The following KALRN variants were observed in gnomAD, a reference collection of about 807,000 sequenced individuals.
KALRN encodes kalirin RhoGEF kinase.
A neutral mutation model predicts 353.7 loss-of-function variants in KALRN; 70 were observed. The ratio of observed to expected loss-of-function variants is 0.20; its 90% confidence interval spans 0.16 to 0.24. The LOEUF is 0.24. KALRN is among the 10% of genes least tolerant of loss of function. The pLI is 1.00. For missense variants in KALRN, 2,791 were observed against 3,756.7 expected, an observed-to-expected ratio of 0.74 and a Z score of 6.72; for synonymous variants, 1,391 against 1,434.8, an observed-to-expected ratio of 0.97 and a Z score of 0.69.
chr3:124,433,975 T>C (rs1358562670), intron 16 of KALRN, among the ~76,000 whole-genome samples: 3 of 152,196 alleles, frequency 2.0e-5, no homozygotes, highest in Non-Finnish European at 4.4e-5. Flanking sequence ...GTAAAGGAAA[T>C]TTATGAACCA....
chr3:124,665,063 G>A (rs963557346), intron 45 of KALRN, among the ~76,000 whole-genome samples: 3 of 152,136 alleles, frequency 2.0e-5, no homozygotes, highest in Admixed American at 6.5e-5. Context: ...CATGATCCAG[G>A]CAGAGGGCAG....
intron 1 of KALRN, among the ~76,000 whole-genome samples, chr3:124,123,486 T>C (rs2064278953): frequency 6.6e-6 from 1 of 152,208 alleles, no homozygotes; most frequent in Non-Finnish European, 1.5e-5. Flanking sequence ...GAAGAAAAGT[T>C]TGAAGCTAGC....
At chr3:124,411,503 A>G (rs921178797) in intron 13 of KALRN, among the ~76,000 whole-genome samples, 1 of 130,742 alleles carries the variant, frequency 7.6e-6, no homozygotes, top group African/African-American at 2.9e-5. Flanking sequence ...GTGCAGTAGC[A>G]TAATAATAGT....
intron 57 of KALRN, among the ~76,000 whole-genome samples, chr3:124,705,261 A>G (rs1446759936): frequency 6.6e-6 from 1 of 152,228 alleles, no homozygotes; most frequent in African/African-American, 2.4e-5. Context: ...ACTTCATTGA[A>G]ACTATAATGC....
intron 13 of KALRN, among the ~76,000 whole-genome samples, chr3:124,399,887 G>A (rs1035736235): frequency 6.6e-6 from 1 of 152,048 alleles, no homozygotes; most frequent in Non-Finnish European, 1.5e-5. Flanking sequence ...AGGCCAATAG[G>A]GTTTCTGTGG....
At chr3:124,092,347 G>T (rs144096380) in intron 1 of KALRN, among the ~76,000 whole-genome samples, 3 of 152,256 alleles carry the variant, frequency 2.0e-5, no homozygotes, top group African/African-American at 7.2e-5. Flanking sequence ...CTCTGTCTAG[G>T]TCTCCTGCCA....
chr3:124,038,835 T>C (rs1577450533), intron 1 of KALRN, among the ~76,000 whole-genome samples: 2 of 152,234 alleles, frequency 1.3e-5, no homozygotes, highest in East Asian at 3.8e-4. Flanking sequence ...ACTCTCCCAG[T>C]CATGATATTT....
At chr3:124,246,310 T>C (rs1320259698) in intron 3 of KALRN, among the ~76,000 whole-genome samples, 3 of 152,254 alleles carry the variant, frequency 2.0e-5, no homozygotes, top group Non-Finnish European at 4.4e-5. Flanking sequence ...TTATCCTGAC[T>C]TTGGAAAGAC....
chr3:124,691,080 G>T (rs1441164434), intron 51 of KALRN, among the ~76,000 whole-genome samples: 4 of 152,202 alleles, frequency 2.6e-5, no homozygotes, highest in African/African-American at 7.2e-5. Context: ...TGTCTTTGAA[G>T]AGCTTATAGT....
intron 34 of KALRN, among the ~76,000 whole-genome samples, chr3:124,620,159 G>A (rs535842994): frequency 1.3e-5 from 2 of 152,042 alleles, no homozygotes; most frequent in African/African-American, 2.4e-5. Context: ...GGAGTGCAGT[G>A]GTGGAATCAC....
intron 1 of KALRN, among the ~76,000 whole-genome samples, chr3:124,079,038 G>T (rs1449308445): frequency 6.6e-6 from 1 of 152,200 alleles, no homozygotes; most frequent in Non-Finnish European, 1.5e-5. Context: ...TTTGTTGCTT[G>T]CTTGTTTTGT....
chr3:124,616,965 CAAA>C (rs10707283), intron 34 of KALRN, among the ~76,000 whole-genome samples: 28 of 125,580 alleles, frequency 2.2e-4, no homozygotes, highest in Non-Finnish European at 2.0e-4. Flanking sequence ...ACTCCATCTC[CAAA>C]AAAAAAAAAA....
intron 9 of KALRN, among the ~76,000 whole-genome samples, chr3:124,340,335 A>G (rs2081564401): frequency 6.6e-6 from 1 of 152,136 alleles, no homozygotes; most frequent in Admixed American, 6.5e-5. Context: ...CAGCCTGGGC[A>G]ACATGGTAAA....
intron 1 of KALRN, among the ~76,000 whole-genome samples, chr3:124,166,949 A>G (rs1174321545): frequency 5.9e-5 from 9 of 152,082 alleles, no homozygotes; most frequent in Admixed American, 5.9e-4. Flanking sequence ...TGAGACTGAG[A>G]CAGGAGAATC....
At chr3:124,325,477 T>C (rs1442608875) in intron 6 of KALRN, among the ~76,000 whole-genome samples, 1 of 152,192 alleles carries the variant, frequency 6.6e-6, no homozygotes, top group Non-Finnish European at 1.5e-5. Flanking sequence ...GATAGGAAGA[T>C]GTGGAATTAC....
chr3:124,529,783 TG>T (rs1418249049), intron 33 of KALRN, among the ~76,000 whole-genome samples: 2 of 143,356 alleles, frequency 1.4e-5, no homozygotes, highest in Non-Finnish European at 3.0e-5. Flanking sequence ...GAATGGAAAA[TG>T]GGAAGATGGA....
At chr3:124,354,916 C>A (rs377369872) in intron 10 of KALRN, among the ~76,000 whole-genome samples, 1 of 152,270 alleles carries the variant, frequency 6.6e-6, no homozygotes, top group South Asian at 2.1e-4. Flanking sequence ...AAGAGGAACA[C>A]AGAAATGAGC....
intron 10 of KALRN, among the ~76,000 whole-genome samples, chr3:124,349,943 G>A (rs1000591205): frequency 7.9e-5 from 12 of 152,158 alleles, no homozygotes; most frequent in South Asian, 2.1e-4. Context: ...GTTGTAGTAC[G>A]TGGGGTGGTC....
At chr3:124,331,901 A>G (rs1485914232) in intron 8 of KALRN, among the ~76,000 whole-genome samples, 2 of 152,078 alleles carry the variant, frequency 1.3e-5, no homozygotes, top group African/African-American at 4.8e-5. Flanking sequence ...AGAGGATTAG[A>G]GCTCATGTGG....
Sources: allele counts gnomAD v4.1 joint callset (sites outside exome capture counted in the v4.1 genomes callset), GRCh38; gene constraint gnomAD v4.1.1; transcripts MANE v1.5; gene names NCBI Gene and HGNC (gene_info 2026-07-23, HGNC 2026-07-21).